SAMD5: variants seen among roughly 807,000 people sequenced by gnomAD.
The protein encoded by SAMD5 is sterile alpha motif domain-containing protein 5.
SAMD5 carries 13 observed loss-of-function variants against 11.3 expected under a neutral mutation model. The observed-to-expected ratio is 1.15, with a 90% confidence interval of 0.75 to 1.83. The LOEUF is 1.83. SAMD5 is among the 40% of genes most tolerant of loss of function. The pLI is 0.00. For synonymous variants in SAMD5, 129 were observed against 111.3 expected, an observed-to-expected ratio of 1.16 and a Z score of -1.00; for missense variants, 255 against 239.1, an observed-to-expected ratio of 1.07 and a Z score of -0.44.
intron 1 of SAMD5, among the ~76,000 whole-genome samples, chr6:147,655,987 A>G (rs1361619485): frequency 6.6e-6 from 1 of 152,230 alleles, no homozygotes; most frequent in Non-Finnish European, 1.5e-5. Context: ...TACATAAAAT[A>G]GAAACCAATG....
the SAMD5 span, among the ~76,000 whole-genome samples, chr6:147,890,371 T>G: frequency 1.3e-5 from 2 of 151,872 alleles, no homozygotes; most frequent in Non-Finnish European, 1.5e-5. Flanking sequence ...CTTTTTTTTT[T>G]TTTTTGAGAT....
the SAMD5 span, among the ~76,000 whole-genome samples, chr6:147,755,553 C>G: frequency 6.6e-6 from 1 of 152,090 alleles, no homozygotes; most frequent in Admixed American, 6.6e-5. Flanking sequence ...AAACCATTAT[C>G]TTCTAACTGT....
the SAMD5 span, among the ~76,000 whole-genome samples, chr6:147,812,670 C>G: frequency 0.015 from 2,310 of 152,160 alleles, 67 homozygotes; most frequent in African/African-American, 0.053. Context: ...CTCTGGAACA[C>G]ATAATGGGTT....
At chr6:147,607,237 T>C (rs995524389) in intron 1 of SAMD5, among the ~76,000 whole-genome samples, 1 of 152,162 alleles carries the variant, frequency 6.6e-6, no homozygotes, top group Non-Finnish European at 1.5e-5. Context: ...AAAATCAATA[T>C]TGTTAAAATG....
chr6:147,578,943 A>G (rs935996852), intron 1 of SAMD5, among the ~76,000 whole-genome samples: 1 of 152,264 alleles, frequency 6.6e-6, no homozygotes, highest in Non-Finnish European at 1.5e-5. Context: ...GATAATATAA[A>G]TAATTTACCT....
chr6:147,897,799 G>A, the SAMD5 span, among the ~76,000 whole-genome samples: 10 of 151,982 alleles, frequency 6.6e-5, no homozygotes, highest in African/African-American at 2.4e-4. Context: ...ACAAGAAATA[G>A]CCAGGCCTGG....
intron 1 of SAMD5, among the ~76,000 whole-genome samples, chr6:147,537,548 C>A (rs1049670671): frequency 1.3e-5 from 2 of 151,816 alleles, no homozygotes; most frequent in Admixed American, 6.6e-5. Flanking sequence ...GTCAGGAGAT[C>A]GAGACTATCC....
At chr6:147,660,837 C>G (rs147386022) in intron 1 of SAMD5, 6 of 152,342 alleles carry the variant, frequency 3.9e-5, no homozygotes, top group Admixed American at 3.9e-4. Flanking sequence ...GGTTAAACCT[C>G]TTTTCATTAT....
chr6:147,823,507 G>A, the SAMD5 span, among the ~76,000 whole-genome samples: 5 of 152,090 alleles, frequency 3.3e-5, no homozygotes, highest in African/African-American at 9.7e-5. Flanking sequence ...CAGAACCTGC[G>A]GTCTCGTACC....
chr6:147,646,971 CTAATAATAATAATAATAA>C (rs5880722), intron 1 of SAMD5, among the ~76,000 whole-genome samples: 37 of 138,084 alleles, frequency 2.7e-4, no homozygotes, highest in African/African-American at 6.3e-4. Flanking sequence ...AACCTCATCT[CTAATAATAATAATAATAA>C]TAATAATAAT....
At chr6:147,925,264 C>G in the SAMD5 span, among the ~76,000 whole-genome samples, 5 of 152,142 alleles carry the variant, frequency 3.3e-5, no homozygotes, top group African/African-American at 1.2e-4. Context: ...TGTGAGGATA[C>G]AGCAAGAAGA....
chr6:147,946,709 G>A, the SAMD5 span, among the ~76,000 whole-genome samples: 1 of 152,030 alleles, frequency 6.6e-6, no homozygotes, highest in African/African-American at 2.4e-5. Context: ...TTTCTTCTGT[G>A]TTTCATGGTC....
chr6:147,532,844 G>A (rs1788450482), intron 1 of SAMD5, among the ~76,000 whole-genome samples: 1 of 152,164 alleles, frequency 6.6e-6, no homozygotes, highest in Non-Finnish European at 1.5e-5. Flanking sequence ...ATGAGGTTAT[G>A]AATGGGTCCA....
intron 1 of SAMD5, among the ~76,000 whole-genome samples, chr6:147,548,115 A>C (rs1000215708): frequency 3.8e-5 from 5 of 132,104 alleles, no homozygotes; most frequent in African/African-American, 1.7e-4. Context: ...GAAAAAATAT[A>C]ATAATAGCCA....
At chr6:147,781,696 G>T in the SAMD5 span, among the ~76,000 whole-genome samples, 1 of 150,812 alleles carries the variant, frequency 6.6e-6, no homozygotes, top group African/African-American at 2.4e-5. Context: ...GGATTAAATG[G>T]ATGTATATAT....
In SAMD5 at chr6:147,568,808, T is replaced by C; in HGVS notation, c.*4352T>C. Reference sequence around the variant, plus strand: ...AGATTCTTTGATTAAAAAATCATCTTCAGCTTTACATTATTAATCTCTGAG... The same window carrying C: ...AGATTCTTTGATTAAAAAATCATCTCCAGCTTTACATTATTAATCTCTGAG... On this transcript the variant is annotated 3_prime_UTR_variant, in exon 2 of 2. Transcript: ENST00000367474. 1 of 956,516 alleles carries C rather than the reference T, an allele frequency of 1.0e-6. No individual in the cohort carries two copies. Among genetic ancestry groups the C allele is most frequent in the Non-Finnish European group, 1.2e-6 (1 of 803,636 alleles). The allele number at this position is 956,516 out of a possible 1,614,324, so 59.3% of individuals were successfully genotyped here.
chr6:147,864,431 C>CG, the SAMD5 span, among the ~76,000 whole-genome samples: 1 of 152,312 alleles, frequency 6.6e-6, no homozygotes, highest in Non-Finnish European at 1.5e-5. Context: ...AACCGACCAT[C>CG]TTGTGCTACG....
chr6:147,685,037 C>A (rs1790989783), intron 1 of SAMD5, among the ~76,000 whole-genome samples: 1 of 152,136 alleles, frequency 6.6e-6, no homozygotes. Context: ...ATAGGGCTTG[C>A]CTTCTCATTG....
chr6:147,826,915 C>T, the SAMD5 span, among the ~76,000 whole-genome samples: 1 of 152,108 alleles, frequency 6.6e-6, no homozygotes, highest in Non-Finnish European at 1.5e-5. Flanking sequence ...GGTTTTGCAG[C>T]AGCCTCAGAG....
Sources: gnomAD v4.1 joint callset for allele counts (sites outside exome capture counted in the v4.1 genomes callset) on GRCh38, gnomAD v4.1.1 for gene constraint, MANE v1.5 for transcripts, NCBI Gene and HGNC (gene_info 2026-07-23, HGNC 2026-07-21) for gene names.